FBXO17: variants seen among roughly 807,000 people sequenced by gnomAD.
FBXO17 encodes F-box only protein 17.
A neutral mutation model predicts 34.1 loss-of-function variants in FBXO17; 43 were observed. The ratio of observed to expected loss-of-function variants is 1.26; its 90% confidence interval spans 0.99 to 1.62. The LOEUF is 1.62. Among genes scored for constraint, FBXO17 ranks in the 40% most tolerant of loss-of-function variants. The probability of loss-of-function intolerance (pLI) is 0.00; values close to 1 mark genes in which losing one functional copy is unlikely to be tolerated. For missense variants in FBXO17, 424 were observed against 386.7 expected, an observed-to-expected ratio of 1.10 and a Z score of -0.81; for synonymous variants, 169 against 166.0, an observed-to-expected ratio of 1.02 and a Z score of -0.14.
rs757745601 is a variant in FBXO17 at position 38,946,565 on chromosome 19, C to G, written c.464G>C (p.Trp155Ser). The change falls in exon 4 of 6, where the codon TGG (tryptophan) becomes TCG (serine). Residue 155 changes from tryptophan to serine, a missense_variant and splice_region_variant. By Grantham distance (177) the Trp-to-Ser change is radical. Coordinates refer to ENST00000292852, the MANE Select transcript of FBXO17 (RefSeq NM_024907.7). ...GTCCACAAGCTGCCTCTTGGAGCAC[C>G]ATCTGGGAAGGAGAGATGGCAGGGG... The part of the protein sequence containing the change: ...SQTCFVTSFE[W>S]CSKRQLVDLV... 1.4e-5 allele frequency: 23 copies of G among 1,613,982 alleles called. No homozygotes were observed. The highest frequency in any genetic ancestry group is 3.3e-5 in the Admixed American group (2 of 60,004).
At chr19:38,963,937 C>T (rs986037161) in intron 1 of FBXO17, among the ~76,000 whole-genome samples, 4 of 152,060 alleles carry the variant, frequency 2.6e-5, no homozygotes, top group Non-Finnish European at 5.9e-5. Flanking sequence ...GTGTGCGCCA[C>T]CACACCTAGT....
chr19:38,946,374 G>A (rs553196851), intron 4 of FBXO17, 98 bp downstream of exon 4: 14 of 1,561,238 alleles, frequency 9.0e-6, no homozygotes, highest in South Asian at 2.4e-5. Flanking sequence ...AGTGACAGCC[G>A]CTACCCGTGG....
chr19:38,974,056 A>G (rs1432515689), intron 1 of FBXO17, among the ~76,000 whole-genome samples: 1 of 148,060 alleles, frequency 6.8e-6, no homozygotes, highest in Non-Finnish European at 1.5e-5. Context: ...ACACATATAT[A>G]TACACACATA....
intron 1 of FBXO17, among the ~76,000 whole-genome samples, chr19:38,966,672 C>T (rs2144840731): frequency 6.6e-6 from 1 of 152,192 alleles, no homozygotes. Flanking sequence ...AAAATTAAAG[C>T]TATGAGAAAT....
At chr19:38,958,395 T>G (rs1600198227) in intron 1 of FBXO17, among the ~76,000 whole-genome samples, 6 of 92,602 alleles carry the variant, frequency 6.5e-5, no homozygotes, top group Admixed American at 1.6e-4. Flanking sequence ...GCAACAAGAG[T>G]GAAACTGTCT....
chr19:38,941,647 T>C lies in FBXO17; in HGVS notation c.*961A>G, dbSNP rs2144802619. ...AGATCACTTATGCTATGGTTTGTGGTTCAGGAACCCCTTTAAGCGGTTTTC... is the reference window on the plus strand; with the variant it reads ...AGATCACTTATGCTATGGTTTGTGGCTCAGGAACCCCTTTAAGCGGTTTTC... On this transcript the variant is annotated 3_prime_UTR_variant, in exon 6 of 6. Transcript: ENST00000292852. 1 of 152,404 alleles carries C rather than the reference T, an allele frequency of 6.6e-6. No individual in the cohort carries two copies. The highest frequency in any genetic ancestry group is 2.1e-4 in the South Asian group (1 of 4,832). 9.4% of individuals were successfully genotyped at this position (152,404 alleles called of 1,614,324 possible). A position where few individuals can be genotyped will look rare whatever the true frequency, so the allele number is the denominator to read the frequency against.
intron 5 of FBXO17, 40 bp from the exon 6 acceptor site, chr19:38,942,791 G>A (rs1974912571): frequency 1.3e-6 from 2 of 1,575,042 alleles, no homozygotes; most frequent in Non-Finnish European, 1.7e-6. Flanking sequence ...GGGCCTGCGG[G>A]CCCCTTCTCT....
At chr19:38,960,919 G>A (rs1975240644) in intron 1 of FBXO17, among the ~76,000 whole-genome samples, 1 of 151,492 alleles carries the variant, frequency 6.6e-6, no homozygotes, top group Admixed American at 6.6e-5. Flanking sequence ...CAATTCTCCT[G>A]CCTCAGCCTT....
At chr19:38,956,270 A>AG (rs1245979598) in intron 1 of FBXO17, among the ~76,000 whole-genome samples, 1 of 151,960 alleles carries the variant, frequency 6.6e-6, no homozygotes, top group East Asian at 1.9e-4. Context: ...TGTCTCAAAA[A>AG]AAAAAAAAAA....
rs375909401 is a variant in FBXO17, at chr19:38,961,028, G to A, written c.-17-10692C>T. ...TCACTGTGTTGGCCAGTCTGGTCTC[G>A]AACTCCTGACCTCAAGTGATCCTCC... On this transcript the variant is annotated intron_variant, in intron 1 of 5. Coordinates refer to ENST00000292852, the MANE Select transcript of FBXO17 (RefSeq NM_024907.7). Among the ~76,000 whole-genome samples the A allele has an allele frequency of 4.6e-5, 7 of 152,064 alleles. No homozygotes were observed. The East Asian group carries it at 1.2e-3, about 25-fold the overall frequency.
Position 38,945,187 on chromosome 19 carries a change from C to T in FBXO17, c.558-83G>A, listed in dbSNP as rs1279085034. On this transcript the variant is annotated intron_variant, in intron 4 of 5. Transcript: ENST00000292852. ...GGGGCGGGAGGCTGAGGGCTGGCTC[C>T]ATCTTGATGAAGGTCCTGCACATCT... 50 of 1,561,070 alleles carry T rather than the reference C, an allele frequency of 3.2e-5. No individual in the cohort carries two copies. The East Asian group carries it at 6.0e-4, about 19-fold the overall frequency.
At chr19:38,943,214 CTTTTT>C (rs11300059) in intron 5 of FBXO17, among the ~76,000 whole-genome samples, 10 of 145,314 alleles carry the variant, frequency 6.9e-5, no homozygotes, top group Non-Finnish European at 1.1e-4. Context: ...AGGACTTTGG[CTTTTT>C]TTTTTTTTCC....
chr19:38,959,586 C>T (rs1417063795), intron 1 of FBXO17, among the ~76,000 whole-genome samples: 1 of 151,150 alleles, frequency 6.6e-6, no homozygotes, highest in African/African-American at 2.4e-5. Flanking sequence ...TGTGCACTTT[C>T]TATAAAAGGT....
At chr19:38,958,147 C>T (rs574693957) in intron 1 of FBXO17, among the ~76,000 whole-genome samples, 30 of 150,884 alleles carry the variant, frequency 2.0e-4, no homozygotes, top group African/African-American at 6.8e-4. Flanking sequence ...CACAGTGGCT[C>T]ATGCCTGTAA....
At chr19:38,943,197 C>T (rs1974919232) in intron 5 of FBXO17, among the ~76,000 whole-genome samples, 1 of 140,410 alleles carries the variant, frequency 7.1e-6, no homozygotes, top group Admixed American at 7.4e-5. Context: ...GCCTTGTGGG[C>T]CACAGGAGGA....
At chr19:38,963,837 G>C (rs978263679) in intron 1 of FBXO17, among the ~76,000 whole-genome samples, 1 of 151,646 alleles carries the variant, frequency 6.6e-6, no homozygotes, top group African/African-American at 2.4e-5. Context: ...AGGCTGGAGT[G>C]CAGTGGTGCA....
chr19:38,949,426 G>A (rs1185475305), intron 2 of FBXO17, among the ~76,000 whole-genome samples: 3 of 151,270 alleles, frequency 2.0e-5, no homozygotes, highest in African/African-American at 7.3e-5. Context: ...TAGAGACAGA[G>A]TCTCACTTTG....
In FBXO17 at chr19:38,946,469, C is replaced by A; in HGVS notation, c.557+3G>T. On this transcript the variant is annotated splice_donor_region_variant and intron_variant, in intron 4 of 5. Transcript: ENST00000292852. ...CTGGGGCAGGGTGCCGCTCCTCACT[C>A]ACCAGTCAGCCACACAGATCTCAAT... is the stretch of plus-strand genomic sequence containing the variant. The A allele has an allele frequency of 1.2e-6, 2 of 1,614,008 alleles. No homozygotes were observed. The highest frequency in any genetic ancestry group is 1.7e-6 in the Non-Finnish European group (2 of 1,179,902).
intron 1 of FBXO17, among the ~76,000 whole-genome samples, chr19:38,964,096 CTT>C (rs1295243071): frequency 6.6e-6 from 1 of 151,986 alleles, no homozygotes; most frequent in Non-Finnish European, 1.5e-5. Context: ...TTTCATTGCT[CTT>C]GAGTAGATAC....
Sources: gnomAD v4.1 joint callset for allele counts (sites outside exome capture counted in the v4.1 genomes callset) on GRCh38, gnomAD v4.1.1 for gene constraint, MANE v1.5 for transcripts, NCBI Gene and HGNC (gene_info 2026-07-23, HGNC 2026-07-21) for gene names.